Variants in COL8A1 observed in about 807,000 individuals in gnomAD.
COL8A1 encodes collagen alpha-1(VIII) chain.
A neutral mutation model predicts 42.7 loss-of-function variants in COL8A1; 21 were observed. That is an observed-to-expected ratio of 0.49 (90% CI 0.35 to 0.71). COL8A1 has a LOEUF of 0.71. Ranked by LOEUF, COL8A1 falls within the 30% of genes least tolerant of loss-of-function variation. The pLI is 0.01. For missense variants in COL8A1, 788 were observed against 962.4 expected (o/e 0.82, Z 2.40); for synonymous variants, 367 against 369.1 (o/e 0.99, Z 0.06).
intron 2 of COL8A1, among the ~76,000 whole-genome samples, chr3:99,789,186 C>T (rs2107454879): frequency 6.6e-6 from 1 of 152,240 alleles, no homozygotes; most frequent in South Asian, 2.1e-4. Context: ...ACACTCTTGG[C>T]ATTACCCTGG....
intron 1 of COL8A1, among the ~76,000 whole-genome samples, chr3:99,660,551 T>C (rs1173776938): frequency 6.6e-6 from 1 of 152,158 alleles, no homozygotes; most frequent in Non-Finnish European, 1.5e-5. Flanking sequence ...GTAGAAGGAT[T>C]CTGGGCTGAG....
intron 1 of COL8A1, among the ~76,000 whole-genome samples, chr3:99,712,254 A>G (rs1343384329): frequency 1.3e-5 from 2 of 152,128 alleles, no homozygotes; most frequent in Non-Finnish European, 2.9e-5. Flanking sequence ...AAAGATTCCA[A>G]ACAATTCCTG....
At chr3:99,707,819 C>T (rs1220861901) in intron 1 of COL8A1, among the ~76,000 whole-genome samples, 3 of 152,146 alleles carry the variant, frequency 2.0e-5, no homozygotes. Flanking sequence ...CTTAATTGAG[C>T]ACTATGTGCA....
At chr3:99,650,619 A>G (rs1937814520) in intron 1 of COL8A1, among the ~76,000 whole-genome samples, 1 of 151,992 alleles carries the variant, frequency 6.6e-6, no homozygotes, top group Non-Finnish European at 1.5e-5. Context: ...ATTTTAATAG[A>G]GACAGGGTTT....
intron 1 of COL8A1, among the ~76,000 whole-genome samples, chr3:99,699,669 A>AAAAT (rs1303690661): frequency 6.6e-6 from 1 of 152,202 alleles, no homozygotes; most frequent in African/African-American, 2.4e-5. Flanking sequence ...ATTCTAACCA[A>AAAAT]AAATATAGTT....
intron 1 of COL8A1, among the ~76,000 whole-genome samples, chr3:99,683,072 G>T (rs1938939527): frequency 6.6e-6 from 1 of 152,178 alleles, no homozygotes; most frequent in Non-Finnish European, 1.5e-5. Context: ...TGTATGTTCA[G>T]AATTAAATAA....
At chr3:99,781,165 G>C (rs9835533) in intron 2 of COL8A1, among the ~76,000 whole-genome samples, 3 of 152,128 alleles carry the variant, frequency 2.0e-5, no homozygotes, top group African/African-American at 7.2e-5. Context: ...ATGCACCAAG[G>C]AAAGAACAAA....
chr3:99,721,369 C>CA (rs34692096), intron 1 of COL8A1, among the ~76,000 whole-genome samples: 81,621 of 118,372 alleles, frequency 0.69, 26,963 homozygotes, highest in Middle Eastern at 0.72. Flanking sequence ...ACAATTTAGA[C>CA]AAAAAAAAAA....
intron 1 of COL8A1, among the ~76,000 whole-genome samples, chr3:99,655,953 C>A (rs1938008749): frequency 6.6e-6 from 1 of 152,154 alleles, no homozygotes; most frequent in South Asian, 2.1e-4. Context: ...AGAAGCTATA[C>A]AAACACAAGA....
At chr3:99,674,367 C>T (rs1363840398) in intron 1 of COL8A1, among the ~76,000 whole-genome samples, 1 of 151,718 alleles carries the variant, frequency 6.6e-6, no homozygotes, top group Non-Finnish European at 1.5e-5. Flanking sequence ...AGGTTTTGGA[C>T]TGTGGTATTG....
intron 1 of COL8A1, among the ~76,000 whole-genome samples, chr3:99,714,112 G>A (rs1939923113): frequency 6.6e-6 from 1 of 152,084 alleles, no homozygotes; most frequent in Admixed American, 6.6e-5. Flanking sequence ...GAGAGCCCCT[G>A]ACATAGCTCT....
At chr3:99,789,532 C>A in intron 2 of COL8A1, among the ~76,000 whole-genome samples, 1 of 152,142 alleles carries the variant, frequency 6.6e-6, no homozygotes, top group East Asian at 1.9e-4. Flanking sequence ...ATTGAACAGA[C>A]CTAAGTGTGT....
chr3:99,792,388 T>A (rs886559831), intron 3 of COL8A1, among the ~76,000 whole-genome samples: 8 of 152,300 alleles, frequency 5.3e-5, no homozygotes, highest in African/African-American at 1.7e-4. Flanking sequence ...ACTAGTGACA[T>A]AAGTATTATG....
chr3:99,692,654 A>T (rs1250993236), intron 1 of COL8A1, among the ~76,000 whole-genome samples: 4 of 152,218 alleles, frequency 2.6e-5, no homozygotes, highest in Non-Finnish European at 4.4e-5. Flanking sequence ...CCTGGGAAAA[A>T]GTCCTAGGTA....
intron 2 of COL8A1, among the ~76,000 whole-genome samples, chr3:99,778,335 T>C (rs1004336393): frequency 6.6e-6 from 1 of 152,186 alleles, no homozygotes. Context: ...ATCTTGGTTT[T>C]ACGAACAAGG....
intron 3 of COL8A1, among the ~76,000 whole-genome samples, chr3:99,793,211 G>A (rs1280466482): frequency 1.3e-5 from 2 of 152,050 alleles, no homozygotes; most frequent in Non-Finnish European, 2.9e-5. Flanking sequence ...GATATCTATT[G>A]CATAGAATAG....
intron 1 of COL8A1, 45 bp from the exon 2 acceptor site, chr3:99,744,852 C>T (rs1178611881): frequency 1.3e-5 from 2 of 152,208 alleles, no homozygotes; most frequent in Non-Finnish European, 2.9e-5. Context: ...TGATAATGCA[C>T]TTTTAATTGC....
intron 2 of COL8A1, among the ~76,000 whole-genome samples, chr3:99,750,984 A>G (rs1941135937): frequency 1.3e-5 from 2 of 152,360 alleles, no homozygotes; most frequent in Admixed American, 1.3e-4. Flanking sequence ...GTGGAAATAC[A>G]TAAACACATC....
intron 1 of COL8A1, among the ~76,000 whole-genome samples, chr3:99,687,962 T>C (rs148573287): frequency 6.6e-6 from 1 of 152,282 alleles, no homozygotes; most frequent in Non-Finnish European, 1.5e-5. Flanking sequence ...TTATTTAGGA[T>C]TCTATCAACC....
Sources: allele counts gnomAD v4.1 joint callset (sites outside exome capture counted in the v4.1 genomes callset), GRCh38; gene constraint gnomAD v4.1.1; transcripts MANE v1.5; gene names NCBI Gene and HGNC (gene_info 2026-07-23, HGNC 2026-07-21).